Variants in NRXN3 observed in about 807,000 individuals in gnomAD.
NRXN3 encodes neurexin III.
Under a neutral mutation model 137.6 loss-of-function variants are expected in NRXN3, and 32 were observed. That is an observed-to-expected ratio of 0.23 (90% CI 0.18 to 0.31). NRXN3 has a LOEUF of 0.31. Among genes scored for constraint, NRXN3 ranks in the 10% least tolerant of loss-of-function variants. NRXN3 has a pLI of 1.00. For synonymous variants in NRXN3, 798 were observed against 784.5 expected (o/e 1.02, Z -0.29); for missense variants, 1,574 against 2,062.5 (o/e 0.76, Z 4.59).
chr14:78,282,190 T>C (rs1378189983), intron 3 of NRXN3: 1 of 487,038 alleles, frequency 2.1e-6, no homozygotes, highest in Admixed American at 2.1e-5. Context: ...GATTTGTCAC[T>C]GGTCTTCCTG....
intron 19 of NRXN3, among the ~76,000 whole-genome samples, chr14:79,750,462 C>T (rs1297936405): frequency 6.6e-6 from 1 of 152,048 alleles, no homozygotes; most frequent in Non-Finnish European, 1.5e-5. Context: ...CTCTTTTTGC[C>T]CTTGTCCCAT....
chr14:79,549,302 G>T (rs1406596929), intron 16 of NRXN3, among the ~76,000 whole-genome samples: 2 of 152,082 alleles, frequency 1.3e-5, no homozygotes, highest in African/African-American at 4.8e-5. Context: ...AGCTGATTTA[G>T]GGTCTAATAA....
At chr14:78,745,748 G>T (rs1425694059) in intron 8 of NRXN3, among the ~76,000 whole-genome samples, 2 of 152,060 alleles carry the variant, frequency 1.3e-5, no homozygotes, top group African/African-American at 4.8e-5. Context: ...AGTCCTTTTT[G>T]CATCTCAATA....
intron 4 of NRXN3, among the ~76,000 whole-genome samples, chr14:78,547,245 C>T (rs376412845): frequency 1.7e-4 from 25 of 151,226 alleles, no homozygotes; most frequent in Admixed American, 4.0e-4. Context: ...CTCTCTCTGT[C>T]GCCCAGCCTG....
intron 15 of NRXN3, among the ~76,000 whole-genome samples, chr14:79,405,717 T>C (rs2095297232): frequency 6.6e-6 from 1 of 152,138 alleles, no homozygotes. Context: ...TTTTATGTCT[T>C]AGTCAACAGC....
intron 15 of NRXN3, among the ~76,000 whole-genome samples, chr14:79,461,330 C>T (rs1261515273): frequency 6.6e-6 from 1 of 152,020 alleles, no homozygotes; most frequent in Non-Finnish European, 1.5e-5. Flanking sequence ...AAATAGTAAC[C>T]AAAATATTTG....
At chr14:78,363,950 C>G (rs1336206183) in intron 4 of NRXN3, among the ~76,000 whole-genome samples, 1 of 152,184 alleles carries the variant, frequency 6.6e-6, no homozygotes, top group Non-Finnish European at 1.5e-5. Context: ...AGCCAGGGCT[C>G]TCAGGAGCCT....
chr14:79,481,322 A>C (rs2153638240), intron 16 of NRXN3, among the ~76,000 whole-genome samples: 1 of 152,158 alleles, frequency 6.6e-6, no homozygotes, highest in Non-Finnish European at 1.5e-5. Context: ...AATCTCTTTC[A>C]TTCTAATATG....
chr14:78,723,862 G>A (rs1032289788), intron 8 of NRXN3, among the ~76,000 whole-genome samples: 1 of 152,104 alleles, frequency 6.6e-6, no homozygotes, highest in African/African-American at 2.4e-5. Flanking sequence ...TATGATACAG[G>A]TTAGAGTTTA....
At chr14:78,297,780 T>C (rs2076489996) in intron 3 of NRXN3, 51 bp from the exon 4 acceptor site, 1 of 1,316,088 alleles carries the variant, frequency 7.6e-7, no homozygotes, top group Non-Finnish European at 1.1e-6. Context: ...TTTCTTTTTT[T>C]CCTTACCCTT....
intron 4 of NRXN3, among the ~76,000 whole-genome samples, chr14:78,325,892 G>A (rs2080018473): frequency 6.6e-6 from 1 of 152,084 alleles, no homozygotes; most frequent in Non-Finnish European, 1.5e-5. Context: ...TGTCATTTTT[G>A]AGGGATATCT....
intron 15 of NRXN3, among the ~76,000 whole-genome samples, chr14:79,420,581 G>C (rs2095561725): frequency 6.6e-6 from 1 of 152,106 alleles, no homozygotes; most frequent in Admixed American, 6.6e-5. Context: ...CCTGCACTGA[G>C]TTAGGAATTG....
At chr14:78,394,762 A>G (rs947250163) in intron 4 of NRXN3, among the ~76,000 whole-genome samples, 2 of 151,894 alleles carry the variant, frequency 1.3e-5, no homozygotes, top group African/African-American at 2.4e-5. Flanking sequence ...AGCTATTCAA[A>G]TGATCTCTTC....
intron 4 of NRXN3, among the ~76,000 whole-genome samples, chr14:78,563,646 G>T (rs1212843858): frequency 1.3e-5 from 2 of 152,210 alleles, no homozygotes; most frequent in Non-Finnish European, 2.9e-5. Context: ...TGCACTGACA[G>T]ATCTCTTCCT....
Position 79,301,732 on chromosome 14 carries a change from T to G in NRXN3, c.3263-165489T>G, listed in dbSNP as rs192350236. On this transcript the variant is annotated intron_variant, in intron 15 of 20. Coordinates refer to ENST00000335750, the MANE Select transcript of NRXN3 (RefSeq NM_001330195.2). ...TGTGTGTGTGTATGTATTTGTGGGG[T>G]GTGTGTGTGTGTGTGCGCGCGCGTG... 7.1e-3 allele frequency among the ~76,000 whole-genome samples: 1,035 copies of G among 146,704 alleles called. 13 individuals carry two copies. Among genetic ancestry groups the G allele is most frequent in the African/African-American group, 0.025 (938 of 37,278 alleles).
intron 8 of NRXN3, among the ~76,000 whole-genome samples, chr14:78,778,758 C>CTCTTTCTTTCTTTCTT (rs10701078): frequency 1.1e-3 from 104 of 97,198 alleles, no homozygotes; most frequent in East Asian, 2.1e-3. Context: ...TTCCTTCTTT[C>CTCTTTCTTTCTTTCTT]TCTTTCTTTC....
chr14:78,563,839 G>C (rs1173074258), intron 4 of NRXN3, among the ~76,000 whole-genome samples: 1 of 152,194 alleles, frequency 6.6e-6, no homozygotes, highest in Non-Finnish European at 1.5e-5. Flanking sequence ...GGGATGACTG[G>C]AACCCTATAG....
chr14:79,275,389 CT>C (rs2080123858), intron 15 of NRXN3, among the ~76,000 whole-genome samples: 1 of 152,110 alleles, frequency 6.6e-6, no homozygotes, highest in South Asian at 2.1e-4. Context: ...GCTTTCTGGT[CT>C]GCCTGTTTCT....
intron 4 of NRXN3, among the ~76,000 whole-genome samples, chr14:78,323,638 A>C (rs756858900): frequency 7.9e-5 from 12 of 152,046 alleles, no homozygotes; most frequent in Non-Finnish European, 1.8e-4. Context: ...TGTGACAGGC[A>C]GGAAAAGACC....
Sources: allele counts gnomAD v4.1 joint callset (sites outside exome capture counted in the v4.1 genomes callset), GRCh38; gene constraint gnomAD v4.1.1; transcripts MANE v1.5; gene names NCBI Gene and HGNC (gene_info 2026-07-23, HGNC 2026-07-21).